Variants in EYS observed in about 807,000 individuals in gnomAD.
EYS encodes EGF-like photoreceptor maintenance factor, also known as protein eyes shut homolog.
EYS carries 250 observed loss-of-function variants against 282.1 expected under a neutral mutation model. That is an observed-to-expected ratio of 0.89 (90% CI 0.80 to 0.98). The LOEUF is 0.98. Ranked by LOEUF, EYS falls within the 50% of genes least tolerant of loss-of-function variation. The pLI, the probability that EYS is intolerant of heterozygous loss-of-function variation, is 0.00. For synonymous variants in EYS, 1,355 were observed against 1,282.9 expected, an observed-to-expected ratio of 1.06 and a Z score of -1.20; for missense variants, 4,016 against 3,709.0, an observed-to-expected ratio of 1.08 and a Z score of -2.15.
intron 12 of EYS, among the ~76,000 whole-genome samples, chr6:65,201,415 T>G (rs80269683): frequency 6.6e-6 from 1 of 152,140 alleles, no homozygotes; most frequent in Non-Finnish European, 1.5e-5. Flanking sequence ...GTAACTAATT[T>G]CCTTTATAAA....
intron 41 of EYS, among the ~76,000 whole-genome samples, chr6:63,743,136 G>T (rs141368383): frequency 3.9e-5 from 6 of 152,096 alleles, no homozygotes; most frequent in African/African-American, 1.4e-4. Context: ...CCAGCATTTG[G>T]CATTGTCATT....
intron 26 of EYS, among the ~76,000 whole-genome samples, chr6:64,552,529 G>A (rs1354057477): frequency 6.6e-6 from 1 of 151,934 alleles, no homozygotes; most frequent in African/African-American, 2.4e-5. Flanking sequence ...TAAGAACCCG[G>A]GTCTCTAAAA....
chr6:64,683,821 G>T lies in EYS; in HGVS notation c.3444-57576C>A, dbSNP rs73440853. Among the ~76,000 whole-genome samples the T allele has an allele frequency of 1.9e-3, 287 of 152,264 alleles. 2 individuals carry two copies. Among genetic ancestry groups the T allele is most frequent in the African/African-American group, 6.7e-3 (279 of 41,540 alleles). On this transcript the variant is annotated intron_variant, in intron 22 of 42. Coordinates refer to ENST00000503581, the MANE Select transcript of EYS (RefSeq NM_001142800.2). The stretch of plus-strand genomic sequence containing the variant: ...GTGGTGAGAGTGGAAAATTCCACTA[G>T]GGTTGGGACCATGAGAAACATCCTC...
chr6:63,781,228 A>T (rs1345036547), intron 39 of EYS, among the ~76,000 whole-genome samples: 3 of 152,040 alleles, frequency 2.0e-5, no homozygotes, highest in African/African-American at 7.2e-5. Context: ...TCTGGGCAAT[A>T]TGGGCTCTTT....
At chr6:64,644,541 T>G (rs1320617722) in intron 22 of EYS, among the ~76,000 whole-genome samples, 1 of 152,178 alleles carries the variant, frequency 6.6e-6, no homozygotes, top group Non-Finnish European at 1.5e-5. Context: ...ATATAAACTA[T>G]ATTCATAAGA....
intron 12 of EYS, among the ~76,000 whole-genome samples, chr6:65,105,700 A>G (rs111611876): frequency 9.9e-5 from 15 of 151,914 alleles, no homozygotes; most frequent in Non-Finnish European, 2.1e-4. Flanking sequence ...TTGAATCCCT[A>G]TTCCGTGAAT....
At chr6:64,869,127 T>C (rs941508322) in intron 19 of EYS, among the ~76,000 whole-genome samples, 6 of 151,538 alleles carry the variant, frequency 4.0e-5, no homozygotes, top group Non-Finnish European at 8.9e-5. Context: ...TATGAAAGGA[T>C]TCTCTTATCT....
At chr6:64,175,948 T>C (rs558260711) in intron 31 of EYS, among the ~76,000 whole-genome samples, 26 of 152,190 alleles carry the variant, frequency 1.7e-4, no homozygotes, top group Non-Finnish European at 3.4e-4. Flanking sequence ...ATAACTTATA[T>C]CCCATAGTAG....
rs578042854 is a variant in EYS, at chr6:64,573,831, G to A, written c.5644+16392C>T. On this transcript the variant is annotated intron_variant, in intron 26 of 42. Transcript: ENST00000503581. The stretch of plus-strand genomic sequence containing the variant: ...GAATGCTTTTACACTGTTGGTGGGC[G>A]TGTAAATTAGTTCAATCATTGTGGA... 1.2e-4 allele frequency among the ~76,000 whole-genome samples: 19 copies of A among 152,234 alleles called. No individual in the cohort carries two copies. The South Asian group carries it at 3.7e-3, about 30-fold the overall frequency.
intron 14 of EYS, among the ~76,000 whole-genome samples, chr6:64,953,251 T>C (rs1769573627): frequency 6.6e-6 from 1 of 151,766 alleles, no homozygotes. Context: ...AACTTTCTAT[T>C]AGATTACTGA....
intron 33 of EYS, among the ~76,000 whole-genome samples, chr6:64,048,808 T>A (rs1328794300): frequency 6.6e-6 from 1 of 152,084 alleles, no homozygotes; most frequent in Non-Finnish European, 1.5e-5. Flanking sequence ...ACCACAGATT[T>A]TTTTCCACCC....
chr6:64,160,726 T>A (rs1775078686), intron 31 of EYS, among the ~76,000 whole-genome samples: 1 of 152,208 alleles, frequency 6.6e-6, no homozygotes, highest in African/African-American at 2.4e-5. Context: ...ACAGGATATG[T>A]GCAGCTATTT....
chr6:63,828,404 G>A (rs1413516462), intron 36 of EYS, among the ~76,000 whole-genome samples: 3 of 143,564 alleles, frequency 2.1e-5, no homozygotes, highest in African/African-American at 5.4e-5. Context: ...AAATACAAAA[G>A]ATCATTCAAG....
At chr6:63,778,218 GA>G (rs1276732951) in intron 39 of EYS, 38 bp from the exon 40 acceptor site, 1 of 1,532,250 alleles carries the variant, frequency 6.5e-7, no homozygotes, top group African/African-American at 1.4e-5. Context: ...TTAACAAACA[GA>G]AGAAATAGAA....
intron 12 of EYS, among the ~76,000 whole-genome samples, chr6:65,250,524 C>G (rs1353673574): frequency 6.6e-6 from 1 of 151,856 alleles, no homozygotes; most frequent in Non-Finnish European, 1.5e-5. Flanking sequence ...CAGAAGAAAT[C>G]TAACAGTACC....
chr6:63,728,622 G>A (rs1768701941), intron 41 of EYS, among the ~76,000 whole-genome samples: 1 of 152,048 alleles, frequency 6.6e-6, no homozygotes. Flanking sequence ...CACTCTTCAC[G>A]TACATTCTAT....
intron 31 of EYS, among the ~76,000 whole-genome samples, chr6:64,173,810 G>C (rs530060582): frequency 1.3e-5 from 2 of 152,120 alleles, no homozygotes; most frequent in East Asian, 3.9e-4. Context: ...TTTTGTCTCA[G>C]TGTATCTTAA....
At chr6:65,679,454 G>A (rs1375071225) in intron 1 of EYS, among the ~76,000 whole-genome samples, 1 of 151,876 alleles carries the variant, frequency 6.6e-6, no homozygotes, top group Non-Finnish European at 1.5e-5. Flanking sequence ...GACAGATACT[G>A]CATGATTCCA....
chr6:64,752,564 A>G (rs1164083587), intron 22 of EYS, among the ~76,000 whole-genome samples: 1 of 152,156 alleles, frequency 6.6e-6, no homozygotes, highest in Non-Finnish European at 1.5e-5. Flanking sequence ...GAAGAGTAAA[A>G]AGGTTGGACT....
Sources: allele counts gnomAD v4.1 joint callset (sites outside exome capture counted in the v4.1 genomes callset), GRCh38; gene constraint gnomAD v4.1.1; transcripts MANE v1.5; gene names NCBI Gene and HGNC (gene_info 2026-07-23, HGNC 2026-07-21).